PCNX2: variants seen among roughly 807,000 people sequenced by gnomAD.
PCNX2 encodes the protein pecanex 2, also known as pecanex-like protein 2.
A neutral mutation model predicts 223.8 loss-of-function variants in PCNX2; 168 were observed. The ratio of observed to expected loss-of-function variants is 0.75; its 90% confidence interval spans 0.66 to 0.85. The LOEUF is 0.85. PCNX2 is among the 40% of genes least tolerant of loss of function. PCNX2 has a pLI of 0.00. For missense variants in PCNX2, 2,507 were observed against 2,675.5 expected (o/e 0.94, Z 1.39); for synonymous variants, 1,006 against 1,052.6 (o/e 0.96, Z 0.86).
At chr1:233,072,302 C>T (rs1009874779) in intron 23 of PCNX2, among the ~76,000 whole-genome samples, 1 of 152,148 alleles carries the variant, frequency 6.6e-6, no homozygotes, top group Non-Finnish European at 1.5e-5. Flanking sequence ...TTTAATTCAA[C>T]TTGAGTTAAT....
intron 25 of PCNX2, among the ~76,000 whole-genome samples, chr1:233,040,477 C>T (rs1000772692): frequency 1.3e-5 from 2 of 152,196 alleles, no homozygotes; most frequent in Non-Finnish European, 2.9e-5. Flanking sequence ...TCCAACTTAA[C>T]TGTCCCACCC....
At chr1:233,022,541 C>T (rs1670927985) in intron 26 of PCNX2, among the ~76,000 whole-genome samples, 1 of 151,728 alleles carries the variant, frequency 6.6e-6, no homozygotes, top group Non-Finnish European at 1.5e-5. Context: ...AAGCAGTGTG[C>T]AAGCATGTGG....
At chr1:233,281,674 T>C (rs907196743) in intron 1 of PCNX2, among the ~76,000 whole-genome samples, 6 of 152,328 alleles carry the variant, frequency 3.9e-5, no homozygotes, top group Admixed American at 1.3e-4. Flanking sequence ...CAATGGCAAA[T>C]TGAACTTCAA....
rs953594116 is a variant in PCNX2 at position 233,095,687 on chromosome 1, A to G, written c.3946+68T>C. The G allele has an allele frequency of 8.2e-6, 11 of 1,334,378 alleles. No homozygotes were observed. In the East Asian group the frequency reaches 1.0e-4, roughly 12 times the overall value. The allele number at this position is 1,334,378 out of a possible 1,614,324, so 82.7% of individuals were successfully genotyped here. ...TAAAATCTTTTTATTGCCAGGGGTC[A>G]ATGAAAAGCTTGCTTCCGTAAAATG... On this transcript the variant is annotated intron_variant, in intron 22 of 33. Transcript: ENST00000258229.
chr1:233,094,739 AG>A (rs1438195267), intron 22 of PCNX2, among the ~76,000 whole-genome samples: 8 of 152,168 alleles, frequency 5.3e-5, no homozygotes, highest in Non-Finnish European at 7.3e-5. Context: ...GAGAGTTCTG[AG>A]TGGTCATTCA....
chr1:233,207,018 A>AAAAG (rs111448586), intron 13 of PCNX2, among the ~76,000 whole-genome samples: 4 of 150,572 alleles, frequency 2.7e-5, no homozygotes, highest in African/African-American at 7.4e-5. Context: ...CAAAAAAAAA[A>AAAAG]AAGAAGAAGA....
At chr1:233,194,165 G>A (rs1384024262) in intron 15 of PCNX2, among the ~76,000 whole-genome samples, 4 of 151,666 alleles carry the variant, frequency 2.6e-5, no homozygotes, top group South Asian at 2.1e-4. Context: ...AAAAAGAAAC[G>A]TTACTAACAG....
chr1:233,163,637 T>C (rs1678628065), intron 17 of PCNX2, among the ~76,000 whole-genome samples: 1 of 151,804 alleles, frequency 6.6e-6, no homozygotes, highest in South Asian at 2.1e-4. Context: ...ACCAGAATTA[T>C]GATAACTAGC....
At chr1:233,012,160 G>A (rs1201624947) in intron 28 of PCNX2, among the ~76,000 whole-genome samples, 1 of 152,126 alleles carries the variant, frequency 6.6e-6, no homozygotes, top group Non-Finnish European at 1.5e-5. Context: ...GAAAAACATG[G>A]TTTGAGAGTT....
chr1:233,158,232 T>C (rs1461421452), intron 19 of PCNX2, among the ~76,000 whole-genome samples: 1 of 152,200 alleles, frequency 6.6e-6, no homozygotes, highest in African/African-American at 2.4e-5. Flanking sequence ...ACTGTTGAAT[T>C]CTACACTCTG....
intron 26 of PCNX2, among the ~76,000 whole-genome samples, chr1:233,024,086 A>AT (rs1422635246): frequency 6.6e-5 from 10 of 151,986 alleles, no homozygotes; most frequent in Non-Finnish European, 1.5e-4. Flanking sequence ...TAATTTTTCA[A>AT]TTTTTTTGTA....
chr1:233,292,318 T>C (rs1483578627), intron 1 of PCNX2, among the ~76,000 whole-genome samples: 2 of 151,154 alleles, frequency 1.3e-5, no homozygotes, highest in Non-Finnish European at 2.9e-5. Flanking sequence ...GCGATTCTCC[T>C]GTCTCAGCCT....
intron 8 of PCNX2, among the ~76,000 whole-genome samples, chr1:233,242,258 G>A (rs530500496): frequency 3.9e-5 from 6 of 152,212 alleles, no homozygotes; most frequent in South Asian, 2.1e-4. Context: ...ATGAATAAGT[G>A]AATTCAGATA....
chr1:233,033,075 G>A, intron 25 of PCNX2: 1 of 985,422 alleles, frequency 1.0e-6, no homozygotes, highest in Non-Finnish European at 1.2e-6. Flanking sequence ...CGCCCACACA[G>A]TGTGACCTTT....
the PCNX2 span, among the ~76,000 whole-genome samples, chr1:233,327,044 G>A: frequency 5.6e-3 from 849 of 152,180 alleles, 9 homozygotes; most frequent in African/African-American, 0.02. Context: ...ACTTAGCATG[G>A]TGACTTGCCA....
At chr1:233,201,031 A>AC (rs1681068637) in intron 13 of PCNX2, among the ~76,000 whole-genome samples, 2 of 150,038 alleles carry the variant, frequency 1.3e-5, no homozygotes, top group East Asian at 3.9e-4. Flanking sequence ...GTCTCAAAAA[A>AC]AAAAAAAAAA....
At position 233,139,462 on chromosome 1, in the gene PCNX2, A is replaced by T. The variant is rs74145057; in HGVS notation, c.3659+252T>A. On this transcript the variant is annotated intron_variant, in intron 20 of 33. Transcript: ENST00000258229. The surrounding 1 kb of genome is among the most constrained non-coding windows in gnomAD (Gnocchi z 4.4). ...GGCTCACTGACTAAGCTTCTGCAGG[A>T]TGATTTTCAAATCTACTGACATTTA... is the stretch of plus-strand genomic sequence containing the variant. Among the ~76,000 whole-genome samples, 5,211 of 152,294 alleles carry T rather than the reference A, an allele frequency of 0.034. 299 individuals carry two copies. The highest frequency in any genetic ancestry group is 0.12 in the African/African-American group (4,888 of 41,548).
chr1:233,277,536 C>A (rs1464083318), intron 1 of PCNX2, among the ~76,000 whole-genome samples: 2 of 152,084 alleles, frequency 1.3e-5, no homozygotes, highest in African/African-American at 4.8e-5. Context: ...ATGGGGAGAT[C>A]AGATTAACAT....
intron 12 of PCNX2, 115 bp downstream of exon 12, chr1:233,217,784 A>G: frequency 2.9e-6 from 3 of 1,027,490 alleles, no homozygotes; most frequent in Non-Finnish European, 4.2e-6. Context: ...TTTCTATTTT[A>G]TATTCAGTAT....
Sources: gnomAD v4.1 joint callset for allele counts (sites outside exome capture counted in the v4.1 genomes callset) on GRCh38, gnomAD v4.1.1 for gene constraint, Gnocchi (gnomAD v3.1) non-coding constraint, MANE v1.5 for transcripts, NCBI Gene and HGNC (gene_info 2026-07-23, HGNC 2026-07-21) for gene names.